Variants in CEP162 observed in about 807,000 individuals in gnomAD.
CEP162 encodes centrosomal protein of 162 kDa.
In CEP162, 141 loss-of-function variants were observed where a neutral mutation model predicts 169.2. That is an observed-to-expected ratio of 0.83 (90% confidence interval 0.73 to 0.96). The LOEUF (loss-of-function observed/expected upper bound fraction) is 0.96. CEP162 is among the 40% of genes least tolerant of loss of function. CEP162 has a pLI of 0.00. For missense variants in CEP162, 1,600 were observed against 1,587.2 expected (o/e 1.01, Z -0.14); for synonymous variants, 540 against 526.4 (o/e 1.03, Z -0.35).
intron 22 of CEP162, 120 bp downstream of exon 22, chr6:84,155,178 C>G: frequency 1.3e-6 from 1 of 761,470 alleles, no homozygotes. Flanking sequence ...CTATTGATAC[C>G]AGTGGTAAAG....
chr6:84,188,988 T>C (rs879823844), intron 11 of CEP162, among the ~76,000 whole-genome samples: 1 of 152,186 alleles, frequency 6.6e-6, no homozygotes, highest in Non-Finnish European at 1.5e-5. Flanking sequence ...ATTAGTGATG[T>C]TGAGCATTTT....
At chr6:84,203,149 A>G (rs1284461172) in intron 7 of CEP162, among the ~76,000 whole-genome samples, 1 of 152,224 alleles carries the variant, frequency 6.6e-6, no homozygotes, top group African/African-American at 2.4e-5. Context: ...AGGCAATATG[A>G]AGTAGTAGCC....
At chr6:84,210,810 T>A (rs1178964566) in intron 6 of CEP162, among the ~76,000 whole-genome samples, 2 of 152,124 alleles carry the variant, frequency 1.3e-5, no homozygotes, top group African/African-American at 4.8e-5. Flanking sequence ...AGAGACCTCA[T>A]TGATCACTAG....
At chr6:84,132,605 A>G (rs1372686403) in intron 25 of CEP162, among the ~76,000 whole-genome samples, 1 of 152,116 alleles carries the variant, frequency 6.6e-6, no homozygotes, top group African/African-American at 2.4e-5. Flanking sequence ...ATCTTCAATC[A>G]CTGATACCCT....
chr6:84,152,958 C>T lies in CEP162; in HGVS notation c.3216G>A (p.Gln1072=). Residue 1072 remains glutamine, a synonymous_variant, in exon 23 of 27, where the codon CAG becomes CAA. Coordinates refer to ENST00000403245, the MANE Select transcript of CEP162 (RefSeq NM_014895.4). The part of the protein sequence containing the change: ...KKNDKDDEDF[Q]SIEFQVEQAH... ...CCTGTTCCACCTGGAATTCTATAGA[C>T]TGAAAATCTTCATCATCTTTATCAT... 1.9e-6 allele frequency: 3 copies of T among 1,613,660 alleles called. No homozygotes were observed. The highest frequency in any genetic ancestry group is 2.5e-6 in the Non-Finnish European group (3 of 1,179,758).
chr6:84,206,889 C>T (rs2099547379), intron 6 of CEP162, among the ~76,000 whole-genome samples: 1 of 152,148 alleles, frequency 6.6e-6, no homozygotes, highest in Admixed American at 6.5e-5. Context: ...AATCAAACAA[C>T]CCCACCAAAA....
At chr6:84,134,221 G>T (rs553346521) in intron 25 of CEP162, among the ~76,000 whole-genome samples, 2 of 152,284 alleles carry the variant, frequency 1.3e-5, no homozygotes, top group African/African-American at 4.8e-5. Context: ...CCAAGCTTGA[G>T]CATCCCAGGT....
Position 84,185,282 on chromosome 6 carries a change from T to G in CEP162, c.1568A>C (p.Lys523Thr). ...SGYGKPSSPLKMFSTLEKKTS... is the reference protein window; with the variant it reads ...SGYGKPSSPLTMFSTLEKKTS... ...TTTCTTTTCAAGAGTAGAAAACATC[T>G]TGAGTGGTGAACTGGGTTTGCCATA... The change falls in exon 13 of 27, where the codon AAG (lysine) becomes ACG (threonine). Residue 523 changes from lysine (K) to threonine (T), a missense_variant. Coordinates refer to ENST00000403245, the MANE Select transcript of CEP162 (RefSeq NM_014895.4). 6.2e-7 allele frequency: 1 copy of G among 1,613,752 alleles called. No individual in the cohort carries two copies. Among genetic ancestry groups the G allele is most frequent in the Non-Finnish European group, 8.5e-7 (1 of 1,179,688 alleles).
At chr6:84,126,580 C>A in intron 25 of CEP162, 68 bp from the exon 26 acceptor site, 1 of 1,179,466 alleles carries the variant, frequency 8.5e-7, no homozygotes, top group South Asian at 1.7e-5. Context: ...TCTTGAAAAT[C>A]AGAATATTTG....
At chr6:84,205,029 A>G (rs2099546240) in intron 6 of CEP162, among the ~76,000 whole-genome samples, 1 of 152,226 alleles carries the variant, frequency 6.6e-6, no homozygotes, top group South Asian at 2.1e-4. Flanking sequence ...ACCAGGAAGA[A>G]GCTGAATCCC....
intron 6 of CEP162, among the ~76,000 whole-genome samples, chr6:84,212,389 G>A (rs917237785): frequency 2.6e-5 from 4 of 151,982 alleles, no homozygotes; most frequent in Non-Finnish European, 4.4e-5. Flanking sequence ...GAAGAAAAAC[G>A]TTGACAAAAA....
At chr6:84,194,783 G>C in intron 10 of CEP162, 101 bp downstream of exon 10, 2 of 980,810 alleles carry the variant, frequency 2.0e-6, no homozygotes, top group Non-Finnish European at 3.0e-6. Context: ...CTCAGAGACT[G>C]AGAAACAATC....
At chr6:84,218,832 T>C (rs1207840402) in intron 3 of CEP162, among the ~76,000 whole-genome samples, 1 of 152,210 alleles carries the variant, frequency 6.6e-6, no homozygotes, top group Non-Finnish European at 1.5e-5. Flanking sequence ...AAAAAGTATA[T>C]GCCAAGGTTG....
chr6:84,154,756 T>A (rs1345409245), intron 22 of CEP162, among the ~76,000 whole-genome samples: 1 of 152,118 alleles, frequency 6.6e-6, no homozygotes. Flanking sequence ...GTCTACAAAA[T>A]TTTTTTTAAA....
At chr6:84,172,245 T>C (rs988174344) in intron 16 of CEP162, among the ~76,000 whole-genome samples, 9 of 152,182 alleles carry the variant, frequency 5.9e-5, no homozygotes, top group Admixed American at 4.6e-4. Context: ...GACCGGTGTT[T>C]CTGAAAGTTG....
At chr6:84,137,812 C>T (rs909364663) in intron 25 of CEP162, among the ~76,000 whole-genome samples, 1 of 152,044 alleles carries the variant, frequency 6.6e-6, no homozygotes, top group Non-Finnish European at 1.5e-5. Context: ...AATATTAAAA[C>T]TCTAGAGTCT....
At chr6:84,149,995 A>T (rs2099520511) in intron 23 of CEP162, among the ~76,000 whole-genome samples, 1 of 152,156 alleles carries the variant, frequency 6.6e-6, no homozygotes, top group Non-Finnish European at 1.5e-5. Flanking sequence ...CTAGGGTTCC[A>T]AAAGCAAAGC....
In CEP162 at chr6:84,132,577, CTTCAT is replaced by C. The variant is rs1472393341; in HGVS notation, c.3871-6070_3871-6066del. On this transcript the variant is annotated intron_variant, in intron 25 of 26. Transcript: ENST00000403245. Reference sequence around the variant, plus strand: ...TTTTTTCTCTAAACTTCTCTTCTCACTTCATTTCATTCATTTGATCTTCAATCACT... The same window carrying C: ...TTTTTTCTCTAAACTTCTCTTCTCACTTCATTCATTTGATCTTCAATCACT... 5.9e-5 allele frequency among the ~76,000 whole-genome samples: 9 copies of C among 152,142 alleles called. No homozygotes were observed. The South Asian group carries it at 1.7e-3, about 28-fold the overall frequency.
chr6:84,180,458 C>T (rs1179785048), intron 13 of CEP162, among the ~76,000 whole-genome samples: 2 of 151,954 alleles, frequency 1.3e-5, no homozygotes, highest in Non-Finnish European at 2.9e-5. Context: ...CCTCTCTCAC[C>T]ACTCCTATTC....
Sources: gnomAD v4.1 joint callset for allele counts (sites outside exome capture counted in the v4.1 genomes callset) on GRCh38, gnomAD v4.1.1 for gene constraint, MANE v1.5 for transcripts, NCBI Gene and HGNC (gene_info 2026-07-23, HGNC 2026-07-21) for gene names.